Variants in PLXDC2 observed in about 807,000 individuals in gnomAD.
PLXDC2 encodes the protein plexin domain-containing protein 2.
Under a neutral mutation model 68.9 loss-of-function variants are expected in PLXDC2, and 40 were observed. That is an observed-to-expected ratio of 0.58 (90% CI 0.45 to 0.76). PLXDC2 has a LOEUF of 0.76. PLXDC2 is among the 30% of genes least tolerant of loss of function. PLXDC2 has a pLI of 0.00. For missense variants in PLXDC2, 644 were observed against 661.9 expected, an observed-to-expected ratio of 0.97 and a Z score of 0.30; for synonymous variants, 243 against 234.2, an observed-to-expected ratio of 1.04 and a Z score of -0.34.
intron 13 of PLXDC2, among the ~76,000 whole-genome samples, chr10:20,251,241 T>A (rs1043898891): frequency 4.6e-5 from 7 of 152,236 alleles, no homozygotes; most frequent in Admixed American, 4.6e-4. Context: ...TTTCAAGTTA[T>A]GTGTCTAGCT....
chr10:20,054,916 T>C (rs921739959), intron 3 of PLXDC2, among the ~76,000 whole-genome samples: 2 of 152,168 alleles, frequency 1.3e-5, no homozygotes, highest in African/African-American at 4.8e-5. Flanking sequence ...GTCTATATAT[T>C]TCTATTTATA....
intron 1 of PLXDC2, among the ~76,000 whole-genome samples, chr10:19,987,228 G>C (rs185337738): frequency 5.9e-5 from 9 of 152,214 alleles, no homozygotes; most frequent in African/African-American, 9.6e-5. Context: ...CCACATGTTC[G>C]ATCAGCCTTT....
At chr10:19,995,239 G>T (rs1834823827) in intron 1 of PLXDC2, among the ~76,000 whole-genome samples, 1 of 152,150 alleles carries the variant, frequency 6.6e-6, no homozygotes, top group African/African-American at 2.4e-5. Context: ...CATGCTCATG[G>T]TTATGATTTA....
At chr10:19,826,568 T>C (rs1275129540) in intron 1 of PLXDC2, among the ~76,000 whole-genome samples, 1 of 152,228 alleles carries the variant, frequency 6.6e-6, no homozygotes, top group Non-Finnish European at 1.5e-5. Context: ...AAATTTTATT[T>C]CACATTTTAG....
At chr10:19,869,984 G>A (rs1242684114) in intron 1 of PLXDC2, among the ~76,000 whole-genome samples, 1 of 152,170 alleles carries the variant, frequency 6.6e-6, no homozygotes, top group African/African-American at 2.4e-5. Context: ...CTCTATGGGG[G>A]TTTGGACATT....
intron 1 of PLXDC2, among the ~76,000 whole-genome samples, chr10:19,938,400 G>T (rs75960539): frequency 0.027 from 4,080 of 152,286 alleles, 86 homozygotes; most frequent in Middle Eastern, 0.095. Flanking sequence ...CGCTGTACAG[G>T]AAGCATGGCA....
chr10:20,262,259 C>G (rs1416261547), intron 13 of PLXDC2, among the ~76,000 whole-genome samples: 1 of 152,198 alleles, frequency 6.6e-6, no homozygotes, highest in Non-Finnish European at 1.5e-5. Context: ...TTCTGACAGC[C>G]AGAGCTATAA....
At chr10:19,894,005 C>T (rs909402907) in intron 1 of PLXDC2, among the ~76,000 whole-genome samples, 2 of 152,180 alleles carry the variant, frequency 1.3e-5, no homozygotes, top group African/African-American at 2.4e-5. Flanking sequence ...GTGTGATTCT[C>T]TTCCCACGAA....
Position 20,161,453 on chromosome 10 carries a change from C to CTT in PLXDC2, c.784-3003_784-3002dup, listed in dbSNP as rs1220918119. Among the ~76,000 whole-genome samples, 299 of 142,358 alleles carry CTT rather than the reference C, an allele frequency of 2.1e-3. 1 individual carries two copies. The highest frequency in any genetic ancestry group is 7.2e-3 in the African/African-American group (273 of 37,684). 93.4% of individuals were successfully genotyped at this position (142,358 alleles called of 152,430 possible). A position where few individuals can be genotyped will look rare whatever the true frequency, so the allele number is the denominator to read the frequency against. ...AGCAGTTTTTCAAGTCTCTCTCTCT[C>CTT]TTTTTTTTTTTTTGCTTCAAGCTTC... On this transcript the variant is annotated intron_variant, in intron 6 of 13. Transcript: ENST00000377252.
intron 1 of PLXDC2, among the ~76,000 whole-genome samples, chr10:19,839,719 T>A (rs973499344): frequency 6.6e-6 from 1 of 152,102 alleles, no homozygotes; most frequent in African/African-American, 2.4e-5. Flanking sequence ...TAACTGTTAC[T>A]TTTTTGTTAA....
In PLXDC2 at chr10:20,289,003, A is replaced by G. The variant is rs1349704460; in HGVS notation, c.*9184A>G. 3 of 152,346 alleles carry G rather than the reference A, an allele frequency of 2.0e-5. No individual in the cohort carries two copies. Among genetic ancestry groups the G allele is most frequent in the African/African-American group, 7.2e-5 (3 of 41,574 alleles). The allele number at this position is 152,346 out of a possible 1,614,324, so 9.4% of individuals were successfully genotyped here. ...GAGCTATTTGTGTAAGACTGCTGTC[A>G]TATTTGACTACATATTAAAAACAGT... On this transcript the variant is annotated 3_prime_UTR_variant, in exon 14 of 14. Transcript: ENST00000377252.
intron 12 of PLXDC2, 67 bp downstream of exon 12, chr10:20,219,169 TG>T: frequency 6.6e-7 from 1 of 1,504,276 alleles, no homozygotes; most frequent in Non-Finnish European, 9.0e-7. Flanking sequence ...TATTTTACTA[TG>T]AGAAAGGCAA....
At chr10:20,090,259 C>G (rs779939055) in intron 4 of PLXDC2, among the ~76,000 whole-genome samples, 1 of 152,130 alleles carries the variant, frequency 6.6e-6, no homozygotes, top group Non-Finnish European at 1.5e-5. Context: ...TTTTCAAGTT[C>G]AAGTACAATT....
At chr10:20,120,128 C>T (rs889675303) in intron 4 of PLXDC2, among the ~76,000 whole-genome samples, 5 of 151,638 alleles carry the variant, frequency 3.3e-5, no homozygotes, top group East Asian at 3.9e-4. Context: ...TAGTTGAGAA[C>T]GGTGAATAGG....
chr10:20,102,972 CTG>C (rs1833442357), intron 4 of PLXDC2, among the ~76,000 whole-genome samples: 1 of 152,260 alleles, frequency 6.6e-6, no homozygotes, highest in South Asian at 2.1e-4. Context: ...CCAAAAGAGA[CTG>C]AGAAACAGCA....
At chr10:20,046,753 A>T in intron 2 of PLXDC2, 116 bp from the exon 3 acceptor site, 2 of 1,024,862 alleles carry the variant, frequency 2.0e-6, no homozygotes, top group Non-Finnish European at 2.7e-6. Context: ...GAGTATAGTT[A>T]AATCATTTTG....
chr10:20,230,962 AG>A (rs1835357210), intron 12 of PLXDC2, among the ~76,000 whole-genome samples: 1 of 151,436 alleles, frequency 6.6e-6, no homozygotes, highest in South Asian at 2.1e-4. Flanking sequence ...TGACTGCAAA[AG>A]AATCAAACGA....
At chr10:20,012,259 G>C (rs147717522) in intron 2 of PLXDC2, among the ~76,000 whole-genome samples, 1 of 143,806 alleles carries the variant, frequency 7.0e-6, no homozygotes, top group East Asian at 2.2e-4. Flanking sequence ...TTCTGAAGCA[G>C]ATCTAAGATA....
At chr10:19,819,043 C>A (rs928505630) in intron 1 of PLXDC2, among the ~76,000 whole-genome samples, 5 of 149,680 alleles carry the variant, frequency 3.3e-5, no homozygotes. Flanking sequence ...CACACACACA[C>A]ACACACACAC....
Sources: gnomAD v4.1 joint callset for allele counts (sites outside exome capture counted in the v4.1 genomes callset) on GRCh38, gnomAD v4.1.1 for gene constraint, MANE v1.5 for transcripts, NCBI Gene and HGNC (gene_info 2026-07-23, HGNC 2026-07-21) for gene names.